Variants in MDGA2 observed in about 807,000 individuals in gnomAD.
MDGA2 encodes MAM domain containing glycosylphosphatidylinositol anchor 2, also known as MAM domain-containing glycosylphosphatidylinositol anchor protein 2.
In MDGA2, 40 loss-of-function variants were observed where a neutral mutation model predicts 117.8. The ratio of observed to expected loss-of-function variants is 0.34; its 90% CI spans 0.26 to 0.44. MDGA2 has a LOEUF of 0.44. MDGA2 is among the 20% of genes least tolerant of loss of function. The probability of loss-of-function intolerance (pLI) is 1.00; values close to 1 mark genes in which losing one functional copy is unlikely to be tolerated. For missense variants in MDGA2, 1,123 were observed against 1,250.6 expected, an observed-to-expected ratio of 0.90 and a Z score of 1.54; for synonymous variants, 452 against 439.0, an observed-to-expected ratio of 1.03 and a Z score of -0.37.
At chr14:47,315,264 CTG>C (rs1889770799) in intron 1 of MDGA2, among the ~76,000 whole-genome samples, 1 of 152,164 alleles carries the variant, frequency 6.6e-6, no homozygotes, top group African/African-American at 2.4e-5. Flanking sequence ...ATATTTTTCT[CTG>C]TGAACTTCCA....
chr14:47,317,382 T>A (rs1889839556), intron 1 of MDGA2, among the ~76,000 whole-genome samples: 1 of 152,112 alleles, frequency 6.6e-6, no homozygotes, highest in Non-Finnish European at 1.5e-5. Context: ...TTGCACATGA[T>A]ATATGTGTGT....
intron 8 of MDGA2, among the ~76,000 whole-genome samples, chr14:47,022,714 G>A (rs1173439548): frequency 6.6e-6 from 1 of 151,996 alleles, no homozygotes; most frequent in Admixed American, 6.6e-5. Context: ...GTAAAGAGTG[G>A]GCTCATAAAG....
At chr14:47,267,019 T>A (rs1887987030) in intron 2 of MDGA2, among the ~76,000 whole-genome samples, 1 of 152,236 alleles carries the variant, frequency 6.6e-6, no homozygotes, top group East Asian at 1.9e-4. Context: ...GTGGCTTACA[T>A]GGTAATGGTA....
chr14:46,841,942 G>T lies in MDGA2; in HGVS notation c.3067C>A (p.Pro1023Thr). 6.2e-7 allele frequency: 1 copy of T among 1,608,890 alleles called. No individual in the cohort carries two copies. The highest frequency in any genetic ancestry group is 8.5e-7 in the Non-Finnish European group (1 of 1,176,378). Residue 1023 changes from proline to threonine, a missense_variant, in exon 17 of 17, where the codon CCT (proline) becomes ACT (threonine). Pro to Thr is a conservative substitution (Grantham distance 38). Transcript: ENST00000399232. ...CTGCCAGGATAAGGTCACCTTCGAG[G>T]ACTTAAGATAGAGATGAGGACGATA... is the stretch of plus-strand genomic sequence containing the variant. ...PIIVLISILS[P>T]RR
intron 4 of MDGA2, 97 bp downstream of exon 4, chr14:47,143,981 G>A (rs1205826605): frequency 2.1e-6 from 2 of 934,794 alleles, no homozygotes; most frequent in Non-Finnish European, 3.0e-6. Context: ...GGCCAGAATA[G>A]AGAAACTATC....
intron 1 of MDGA2, among the ~76,000 whole-genome samples, chr14:47,407,332 C>A (rs370231345): frequency 1.8e-4 from 28 of 152,270 alleles, no homozygotes; most frequent in Non-Finnish European, 3.2e-4. Flanking sequence ...AAATTATTTA[C>A]TACTTTTCAA....
chr14:47,483,650 A>G (rs1214696542), intron 1 of MDGA2, among the ~76,000 whole-genome samples: 1 of 152,200 alleles, frequency 6.6e-6, no homozygotes, highest in Non-Finnish European at 1.5e-5. Flanking sequence ...GCTCATGAGT[A>G]CATCACAGAA....
chr14:47,399,545 AT>A (rs536818098), intron 1 of MDGA2, among the ~76,000 whole-genome samples: 33 of 152,294 alleles, frequency 2.2e-4, no homozygotes, highest in Non-Finnish European at 3.4e-4. Context: ...ATATGACTGA[AT>A]TAGATTCTAA....
intron 1 of MDGA2, among the ~76,000 whole-genome samples, chr14:47,359,140 G>C (rs993692556): frequency 6.6e-6 from 1 of 152,192 alleles, no homozygotes; most frequent in African/African-American, 2.4e-5. Flanking sequence ...TGGATCACGA[G>C]GTCAGGAGAT....
intron 6 of MDGA2, among the ~76,000 whole-genome samples, chr14:47,069,671 C>G (rs1890209350): frequency 6.6e-6 from 1 of 152,166 alleles, no homozygotes; most frequent in Non-Finnish European, 1.5e-5. Context: ...TTGATGTTCT[C>G]TTTCCTTTTG....
chr14:47,241,389 C>A (rs1359509519), intron 2 of MDGA2, among the ~76,000 whole-genome samples: 1 of 151,790 alleles, frequency 6.6e-6, no homozygotes, highest in African/African-American at 2.4e-5. Flanking sequence ...AGGGCCAACT[C>A]CCTGGGACTT....
chr14:47,292,527 A>G (rs1318145252), intron 2 of MDGA2, among the ~76,000 whole-genome samples: 1 of 152,072 alleles, frequency 6.6e-6, no homozygotes, highest in Admixed American at 6.6e-5. Context: ...CTAGCTCAGG[A>G]TCTGTACCTT....
chr14:47,615,768 C>A (rs1896937948), intron 1 of MDGA2, among the ~76,000 whole-genome samples: 1 of 152,128 alleles, frequency 6.6e-6, no homozygotes, highest in Non-Finnish European at 1.5e-5. Context: ...ACCTCTTCCC[C>A]ACCTCACCGT....
chr14:47,386,322 T>C (rs1353965334), intron 1 of MDGA2, among the ~76,000 whole-genome samples: 2 of 152,180 alleles, frequency 1.3e-5, no homozygotes, highest in Non-Finnish European at 2.9e-5. Flanking sequence ...ATTTCATTTA[T>C]AATCTTTTCA....
intron 8 of MDGA2, among the ~76,000 whole-genome samples, chr14:47,013,367 A>T (rs1361225061): frequency 6.6e-6 from 1 of 152,096 alleles, no homozygotes; most frequent in Non-Finnish European, 1.5e-5. Flanking sequence ...CATCCACTGA[A>T]GTTCTTTCGT....
intron 1 of MDGA2, among the ~76,000 whole-genome samples, chr14:47,657,155 G>T (rs2138282802): frequency 6.6e-6 from 1 of 152,134 alleles, no homozygotes; most frequent in Middle Eastern, 3.4e-3. Flanking sequence ...CCCAGGTAAG[G>T]GCTCAGAAAT....
At chr14:47,191,496 C>A (rs1885112462) in intron 3 of MDGA2, among the ~76,000 whole-genome samples, 1 of 150,734 alleles carries the variant, frequency 6.6e-6, no homozygotes, top group Non-Finnish European at 1.5e-5. Context: ...AAAAGGCCAT[C>A]TTACGGTTAT....
chr14:47,200,835 T>C (rs1019537666), intron 3 of MDGA2: 1 of 812,242 alleles, frequency 1.2e-6, no homozygotes, highest in Non-Finnish European at 2.2e-6. Flanking sequence ...GGAGCCACCA[T>C]CCATTTTTTC....
At chr14:47,591,359 C>A (rs1896435348) in intron 1 of MDGA2, among the ~76,000 whole-genome samples, 1 of 152,090 alleles carries the variant, frequency 6.6e-6, no homozygotes, top group Admixed American at 6.6e-5. Flanking sequence ...CTGAATTCTA[C>A]CAGAGGTACA....
Sources: allele counts gnomAD v4.1 joint callset (sites outside exome capture counted in the v4.1 genomes callset), GRCh38; gene constraint gnomAD v4.1.1; transcripts MANE v1.5; gene names NCBI Gene and HGNC (gene_info 2026-07-23, HGNC 2026-07-21).